PDGFD: variants seen among roughly 807,000 people sequenced by gnomAD.
PDGFD encodes platelet-derived growth factor D.
In PDGFD, 30 loss-of-function variants were observed where a neutral mutation model predicts 44.7. That is an observed-to-expected ratio of 0.67 (90% CI 0.50 to 0.91). The LOEUF (loss-of-function observed/expected upper bound fraction) is 0.91, where lower values mean the gene tolerates loss of function less well. Among genes scored for constraint, PDGFD ranks in the 40% least tolerant of loss-of-function variants. The pLI, the probability that PDGFD is intolerant of heterozygous loss-of-function variation, is 0.00. For missense variants in PDGFD, 445 were observed against 457.8 expected, an observed-to-expected ratio of 0.97 and a Z score of 0.25; for synonymous variants, 173 against 168.4, an observed-to-expected ratio of 1.03 and a Z score of -0.21.
intron 6 of PDGFD, among the ~76,000 whole-genome samples, chr11:103,910,796 C>T (rs111435154): frequency 0.016 from 2,249 of 143,886 alleles, 48 homozygotes; most frequent in African/African-American, 0.054. Flanking sequence ...GTGGGTCCCA[C>T]CCCCATGGAG....
intron 1 of PDGFD, among the ~76,000 whole-genome samples, chr11:104,155,289 C>T (rs1862292197): frequency 6.6e-6 from 1 of 152,106 alleles, no homozygotes; most frequent in Non-Finnish European, 1.5e-5. Flanking sequence ...TCCTTTATGG[C>T]TCAAGGTCAT....
intron 1 of PDGFD, chr11:104,036,577 C>T (rs1565316652): frequency 1.8e-6 from 1 of 557,248 alleles, no homozygotes; most frequent in Non-Finnish European, 3.2e-6. Flanking sequence ...AAACAGCACA[C>T]TTAGAAATGG....
rs1300314791 is a variant in PDGFD at position 103,930,594 on chromosome 11, G to T, written c.773-3468C>A. ...TTGTCCACAGCCATACAACCAGTCA[G>T]TGGTAGAGCCAGAGTTTGAATCCAG... On this transcript the variant is annotated intron_variant, in intron 5 of 6. Coordinates refer to ENST00000393158, the MANE Select transcript of PDGFD (RefSeq NM_025208.5). 2.6e-5 allele frequency among the ~76,000 whole-genome samples: 4 copies of T among 151,790 alleles called. No individual in the cohort carries two copies. In the East Asian group the frequency reaches 7.7e-4, roughly 29 times the overall value.
At chr11:104,065,640 T>G (rs1276719809) in intron 1 of PDGFD, among the ~76,000 whole-genome samples, 3 of 152,162 alleles carry the variant, frequency 2.0e-5, no homozygotes, top group Non-Finnish European at 2.9e-5. Flanking sequence ...TATTCAGTAC[T>G]TCATCAAATT....
At chr11:104,055,087 C>T (rs1860599962) in intron 1 of PDGFD, among the ~76,000 whole-genome samples, 1 of 152,202 alleles carries the variant, frequency 6.6e-6, no homozygotes, top group Non-Finnish European at 1.5e-5. Context: ...ACACAAATGT[C>T]ATGTATGTTC....
chr11:103,961,411 G>C (rs1359409247), intron 3 of PDGFD, among the ~76,000 whole-genome samples: 1 of 152,264 alleles, frequency 6.6e-6, no homozygotes, highest in East Asian at 1.9e-4. Context: ...ATTTAGGAAG[G>C]CTGGAGGAAG....
At chr11:104,073,579 A>C (rs544961065) in intron 1 of PDGFD, among the ~76,000 whole-genome samples, 19 of 152,200 alleles carry the variant, frequency 1.2e-4, no homozygotes, top group African/African-American at 4.3e-4. Context: ...GTCCTCATAC[A>C]TTTTCCTGAG....
At chr11:104,124,291 T>C (rs1481444056) in intron 1 of PDGFD, among the ~76,000 whole-genome samples, 1 of 152,050 alleles carries the variant, frequency 6.6e-6, no homozygotes. Context: ...GAGCAATTCG[T>C]GGGCATTTCT....
chr11:103,926,188 A>G (rs967119575), intron 6 of PDGFD, among the ~76,000 whole-genome samples: 3 of 152,218 alleles, frequency 2.0e-5, no homozygotes, highest in African/African-American at 7.2e-5. Context: ...TTACTCACCT[A>G]TAAAAAAAGA....
chr11:103,991,906 C>T (rs1301342883), intron 3 of PDGFD, among the ~76,000 whole-genome samples: 1 of 152,090 alleles, frequency 6.6e-6, no homozygotes, highest in African/African-American at 2.4e-5. Flanking sequence ...AAATTCATAC[C>T]CTTGTTTGTT....
At chr11:104,087,312 C>T (rs113869795) in intron 1 of PDGFD, among the ~76,000 whole-genome samples, 3 of 151,860 alleles carry the variant, frequency 2.0e-5, no homozygotes, top group Non-Finnish European at 2.9e-5. Flanking sequence ...TCTCCTGCCT[C>T]GGCCTCCTGC....
chr11:103,987,253 C>T (rs933944439), intron 3 of PDGFD, among the ~76,000 whole-genome samples: 2 of 152,134 alleles, frequency 1.3e-5, no homozygotes, highest in African/African-American at 2.4e-5. Flanking sequence ...AAGGTGAACC[C>T]GTCAGCTGGT....
rs916588358 is a variant in PDGFD at position 104,112,807 on chromosome 11, T to C, written c.124+50997A>G. On this transcript the variant is annotated intron_variant, in intron 1 of 6. Transcript: ENST00000393158. ...AATAACACATGGTCTTATTTATAAGTAGGAGCTAAATGATGAGAATACATG... is the reference window on the plus strand; with the variant it reads ...AATAACACATGGTCTTATTTATAAGCAGGAGCTAAATGATGAGAATACATG... 9.2e-5 allele frequency among the ~76,000 whole-genome samples: 14 copies of C among 152,016 alleles called. No homozygotes were observed. In the East Asian group the frequency reaches 1.9e-3, roughly 21 times the overall value.
At chr11:104,089,548 T>A (rs1861180833) in intron 1 of PDGFD, among the ~76,000 whole-genome samples, 1 of 152,188 alleles carries the variant, frequency 6.6e-6, no homozygotes, top group Non-Finnish European at 1.5e-5. Context: ...TATAGTACTT[T>A]AACTGTATGG....
intron 6 of PDGFD, among the ~76,000 whole-genome samples, chr11:103,919,942 T>C (rs1216916051): frequency 6.6e-6 from 1 of 152,210 alleles, no homozygotes; most frequent in Non-Finnish European, 1.5e-5. Flanking sequence ...TTTTAAGGGA[T>C]GCTAGTGAAT....
chr11:104,138,954 T>G (rs183795106), intron 1 of PDGFD, among the ~76,000 whole-genome samples: 272 of 152,068 alleles, frequency 1.8e-3, no homozygotes, highest in African/African-American at 5.9e-3. Context: ...TAGAGACGGG[T>G]TTTGGTCATG....
intron 6 of PDGFD, among the ~76,000 whole-genome samples, chr11:103,919,466 ATATAAACCCAAATCATTAAG>A (rs1337657719): frequency 1.3e-5 from 2 of 149,778 alleles, no homozygotes; most frequent in Non-Finnish European, 3.0e-5. Flanking sequence ...CAAATGCATT[ATATAAACCCAAATCATTAAG>A]AGTTTAAGAT....
chr11:104,036,214 G>A (rs1205671679), intron 1 of PDGFD, among the ~76,000 whole-genome samples: 2 of 152,122 alleles, frequency 1.3e-5, no homozygotes, highest in Non-Finnish European at 2.9e-5. Context: ...CGAAGTGTGG[G>A]GGATTGCTTG....
chr11:104,015,778 G>A (rs1173066997), intron 1 of PDGFD, among the ~76,000 whole-genome samples: 1 of 152,146 alleles, frequency 6.6e-6, no homozygotes, highest in Middle Eastern at 3.2e-3. Flanking sequence ...GTTTTGCATG[G>A]TTGTCCAATT....
Sources: allele counts gnomAD v4.1 joint callset (sites outside exome capture counted in the v4.1 genomes callset), GRCh38; gene constraint gnomAD v4.1.1; transcripts MANE v1.5; gene names NCBI Gene and HGNC (gene_info 2026-07-23, HGNC 2026-07-21).